Variants in DGCR2 observed in about 807,000 individuals in gnomAD.
DGCR2 encodes DiGeorge syndrome critical region gene 2, also known as integral membrane protein DGCR2/IDD.
Under a neutral mutation model 51.6 loss-of-function variants are expected in DGCR2, and 24 were observed. The ratio of observed to expected loss-of-function variants is 0.47; its 90% CI spans 0.34 to 0.65. The LOEUF (loss-of-function observed/expected upper bound fraction) is 0.65. Ranked by LOEUF, DGCR2 falls within the 30% of genes least tolerant of loss-of-function variation. The probability of loss-of-function intolerance (pLI) is 0.01; values close to 1 mark genes in which losing one functional copy is unlikely to be tolerated. For missense variants in DGCR2, 765 were observed against 772.1 expected (o/e 0.99, Z 0.11); for synonymous variants, 340 against 315.4 (o/e 1.08, Z -0.82).
At chr22:19,073,030 G>A (rs1028537342) in intron 2 of DGCR2, among the ~76,000 whole-genome samples, 2 of 152,164 alleles carry the variant, frequency 1.3e-5, no homozygotes, top group African/African-American at 2.4e-5. Flanking sequence ...GCTGAGGCAG[G>A]AGGATTGCTT....
intron 2 of DGCR2, among the ~76,000 whole-genome samples, chr22:19,079,809 G>A (rs1314113230): frequency 1.3e-5 from 2 of 152,254 alleles, no homozygotes; most frequent in African/African-American, 4.8e-5. Flanking sequence ...AGCAGAGCTG[G>A]CTGCCTCAGG....
intron 2 of DGCR2, among the ~76,000 whole-genome samples, chr22:19,087,871 A>G (rs1303990406): frequency 6.6e-6 from 1 of 151,926 alleles, no homozygotes; most frequent in Non-Finnish European, 1.5e-5. Context: ...TTTTATTAGA[A>G]ACGGGGTTTC....
At chr22:19,054,741 T>TAAA (rs56262911) in intron 6 of DGCR2, among the ~76,000 whole-genome samples, 1 of 139,824 alleles carries the variant, frequency 7.2e-6, no homozygotes, top group Non-Finnish European at 1.6e-5. Flanking sequence ...TGCCCCACCT[T>TAAA]AAAAAAAAAA....
intron 1 of DGCR2, among the ~76,000 whole-genome samples, chr22:19,110,967 G>C (rs1223203553): frequency 6.6e-6 from 1 of 152,122 alleles, no homozygotes; most frequent in Non-Finnish European, 1.5e-5. Flanking sequence ...AAGCATTTTA[G>C]ATCTATTTTT....
chr22:19,087,330 C>T (rs1255376440), intron 2 of DGCR2, among the ~76,000 whole-genome samples: 2 of 152,202 alleles, frequency 1.3e-5, no homozygotes, highest in Non-Finnish European at 2.9e-5. Context: ...ACCAGAGACA[C>T]GCATAATCTG....
At chr22:19,073,102 A>G (rs1420069390) in intron 2 of DGCR2, among the ~76,000 whole-genome samples, 1 of 152,086 alleles carries the variant, frequency 6.6e-6, no homozygotes, top group East Asian at 1.9e-4. Flanking sequence ...ATGAAAAATA[A>G]AAATAAAAAT....
intron 2 of DGCR2, among the ~76,000 whole-genome samples, chr22:19,069,682 T>C (rs1484474036): frequency 6.6e-6 from 1 of 152,226 alleles, no homozygotes; most frequent in East Asian, 1.9e-4. Flanking sequence ...TTCATCCCCA[T>C]AATCTCTATG....
intron 5 of DGCR2, among the ~76,000 whole-genome samples, chr22:19,059,020 G>A (rs989515738): frequency 2.0e-5 from 3 of 152,238 alleles, no homozygotes; most frequent in African/African-American, 2.4e-5. Context: ...CTTGCAGAGC[G>A]GGCAGGTGTT....
chr22:19,095,018 T>C (rs2083123038), intron 1 of DGCR2, among the ~76,000 whole-genome samples: 1 of 152,166 alleles, frequency 6.6e-6, no homozygotes, highest in African/African-American at 2.4e-5. Flanking sequence ...CGATACGCTG[T>C]GTTTGTTATC....
At chr22:19,060,901 C>T (rs1569050274) in intron 5 of DGCR2, 3 of 513,532 alleles carry the variant, frequency 5.8e-6, no homozygotes, top group Non-Finnish European at 7.8e-6. Context: ...GTGCAGGGTA[C>T]CGACACATGG....
intron 1 of DGCR2, among the ~76,000 whole-genome samples, chr22:19,101,737 TAAA>T (rs764584649): frequency 9.0e-5 from 10 of 111,014 alleles, no homozygotes; most frequent in African/African-American, 2.5e-4. Flanking sequence ...GCAAAACTGT[TAAA>T]AAAAAAAAAA....
At chr22:19,085,952 CAA>C (rs1213904197) in intron 2 of DGCR2, among the ~76,000 whole-genome samples, 2 of 152,174 alleles carry the variant, frequency 1.3e-5, no homozygotes, top group Middle Eastern at 3.4e-3. Flanking sequence ...CCCACAAACA[CAA>C]AGAGTTTCCT....
At chr22:19,106,920 T>A (rs960041223) in intron 1 of DGCR2, among the ~76,000 whole-genome samples, 1 of 150,170 alleles carries the variant, frequency 6.7e-6, no homozygotes, top group Non-Finnish European at 1.5e-5. Flanking sequence ...CAGCAGAGCC[T>A]CTGGGGGCTC....
At chr22:19,087,696 T>A (rs1209963735) in intron 2 of DGCR2, among the ~76,000 whole-genome samples, 2 of 148,792 alleles carry the variant, frequency 1.3e-5, no homozygotes, top group Admixed American at 6.7e-5. Flanking sequence ...TTTTTTTTTT[T>A]GCCTTTGAGA....
At chr22:19,089,545 C>T in intron 1 of DGCR2, 55 bp from the exon 2 acceptor site, 3 of 1,455,056 alleles carry the variant, frequency 2.1e-6, no homozygotes, top group Non-Finnish European at 2.7e-6. Context: ...GCCAGCAAAC[C>T]ATAGCCCATG....
intron 2 of DGCR2, among the ~76,000 whole-genome samples, chr22:19,083,819 C>T (rs1252431377): frequency 1.3e-5 from 2 of 151,502 alleles, no homozygotes; most frequent in South Asian, 2.1e-4. Context: ...AACCTCCCTG[C>T]CTGATTCTCC....
At chr22:19,050,055 T>A (rs1240641014) in intron 6 of DGCR2, among the ~76,000 whole-genome samples, 3 of 151,556 alleles carry the variant, frequency 2.0e-5, no homozygotes, top group Admixed American at 2.0e-4. Context: ...CAAAAAAAAA[T>A]TAGTCGAAGA....
intron 1 of DGCR2, among the ~76,000 whole-genome samples, chr22:19,110,349 G>A (rs1294185100): frequency 6.6e-6 from 1 of 152,160 alleles, no homozygotes; most frequent in African/African-American, 2.4e-5. Flanking sequence ...GCTTCCTGGG[G>A]GCATTTGTGT....
At chr22:19,114,929 G>A (rs1163386381) in intron 1 of DGCR2, among the ~76,000 whole-genome samples, 1 of 152,146 alleles carries the variant, frequency 6.6e-6, no homozygotes, top group Non-Finnish European at 1.5e-5. Flanking sequence ...GACTAACCAA[G>A]GAAGACAAGC....
Sources: allele counts gnomAD v4.1 joint callset (sites outside exome capture counted in the v4.1 genomes callset), GRCh38; gene constraint gnomAD v4.1.1; transcripts MANE v1.5; gene names NCBI Gene and HGNC (gene_info 2026-07-23, HGNC 2026-07-21).